Variants in SGCD observed in about 807,000 individuals in gnomAD.
SGCD encodes the protein delta-sarcoglycan.
A neutral mutation model predicts 36.6 loss-of-function variants in SGCD; 18 were observed. The ratio of observed to expected loss-of-function variants is 0.49; its 90% CI spans 0.34 to 0.73. The LOEUF (loss-of-function observed/expected upper bound fraction) is 0.73, where lower values mean the gene tolerates loss of function less well. SGCD is among the 30% of genes least tolerant of loss of function. SGCD has a pLI of 0.01. For missense variants in SGCD, 387 were observed against 346.7 expected (o/e 1.12, Z -0.92); for synonymous variants, 133 against 130.6 (o/e 1.02, Z -0.12).
chr5:156,229,297 T>TACAC (rs757678815), intron 3 of SGCD, among the ~76,000 whole-genome samples: 2 of 119,880 alleles, frequency 1.7e-5, no homozygotes, highest in Non-Finnish European at 1.7e-5. Context: ...TATATATATA[T>TACAC]ATAAAATTAG....
the SGCD span, among the ~76,000 whole-genome samples, chr5:155,773,368 C>T: frequency 1.6e-4 from 25 of 152,190 alleles, no homozygotes; most frequent in East Asian, 7.7e-4. Context: ...TTCATAAAGA[C>T]GGGGTCTCAC....
intron 3 of SGCD, among the ~76,000 whole-genome samples, chr5:156,319,938 AG>A (rs1021191826): frequency 2.4e-4 from 37 of 152,360 alleles, no homozygotes; most frequent in African/African-American, 8.4e-4. Context: ...GTTCATTATT[AG>A]TGAAATAATA....
At chr5:156,734,516 C>T (rs779820428) in intron 7 of SGCD, among the ~76,000 whole-genome samples, 4 of 152,146 alleles carry the variant, frequency 2.6e-5, no homozygotes, top group Non-Finnish European at 5.9e-5. Context: ...TCAGGTACAA[C>T]AATCAGTCGT....
intron 6 of SGCD, among the ~76,000 whole-genome samples, chr5:156,625,198 T>C (rs1456802438): frequency 6.6e-6 from 1 of 152,206 alleles, no homozygotes; most frequent in Non-Finnish European, 1.5e-5. Context: ...TTTTAGGACA[T>C]TGGCAGTGTT....
At chr5:155,824,895 C>G in the SGCD span, among the ~76,000 whole-genome samples, 26 of 152,268 alleles carry the variant, frequency 1.7e-4, no homozygotes, top group Admixed American at 1.2e-3. Context: ...AATTAGAGGA[C>G]AATGACTTCT....
intron 3 of SGCD, among the ~76,000 whole-genome samples, chr5:156,474,952 G>C (rs1291534771): frequency 1.3e-5 from 2 of 152,066 alleles, no homozygotes; most frequent in African/African-American, 2.4e-5. Context: ...AATTCCATAG[G>C]GTTGTTGTAA....
At chr5:155,747,028 G>A in the SGCD span, among the ~76,000 whole-genome samples, 1 of 152,174 alleles carries the variant, frequency 6.6e-6, no homozygotes. Flanking sequence ...AGATTTTCCA[G>A]AGCTTCCTCC....
the SGCD span, among the ~76,000 whole-genome samples, chr5:155,798,893 T>C: frequency 6.6e-6 from 1 of 152,230 alleles, no homozygotes; most frequent in Non-Finnish European, 1.5e-5. Context: ...CAGATGCGTA[T>C]GAAGTGATTT....
intron 1 of SGCD, among the ~76,000 whole-genome samples, chr5:156,073,464 G>T (rs1221986216): frequency 6.6e-6 from 1 of 152,168 alleles, no homozygotes; most frequent in Non-Finnish European, 1.5e-5. Context: ...CTGGAAGACT[G>T]AGATAGGAAG....
At chr5:156,493,013 G>A (rs540987837) in intron 3 of SGCD, among the ~76,000 whole-genome samples, 9 of 152,168 alleles carry the variant, frequency 5.9e-5, no homozygotes, top group Admixed American at 2.0e-4. Flanking sequence ...GAACAGTGCC[G>A]CAATAAATAT....
chr5:156,442,151 C>CA (rs999420488), intron 3 of SGCD, among the ~76,000 whole-genome samples: 9 of 152,220 alleles, frequency 5.9e-5, no homozygotes, highest in African/African-American at 1.7e-4. Flanking sequence ...TTTTTCAGGG[C>CA]AGAGCAGTGA....
At chr5:156,511,816 G>A (rs1756941261) in intron 4 of SGCD, among the ~76,000 whole-genome samples, 2 of 152,222 alleles carry the variant, frequency 1.3e-5, no homozygotes, top group Admixed American at 6.5e-5. Flanking sequence ...TACATGATCA[G>A]TAGATGTTTG....
chr5:156,264,614 T>C (rs1234195319), intron 3 of SGCD, among the ~76,000 whole-genome samples: 2 of 152,102 alleles, frequency 1.3e-5, no homozygotes, highest in Non-Finnish European at 2.9e-5. Flanking sequence ...ATAATACCCA[T>C]GTAAGAGTTG....
At chr5:155,995,008 C>A (rs1330757022) in intron 1 of SGCD, among the ~76,000 whole-genome samples, 1 of 152,164 alleles carries the variant, frequency 6.6e-6, no homozygotes, top group African/African-American at 2.4e-5. Context: ...GTGTACCCAA[C>A]CTTTATCCTC....
chr5:155,744,861 A>T, the SGCD span, among the ~76,000 whole-genome samples: 1 of 152,250 alleles, frequency 6.6e-6, no homozygotes, highest in Non-Finnish European at 1.5e-5. Flanking sequence ...AAACCGATGA[A>T]TGATGTTAAT....
intron 3 of SGCD, among the ~76,000 whole-genome samples, chr5:156,442,944 T>C (rs761820012): frequency 2.6e-5 from 4 of 151,996 alleles, no homozygotes; most frequent in Non-Finnish European, 4.4e-5. Context: ...AAAGAGGGAG[T>C]GGACCTACTT....
At chr5:156,074,236 G>T (rs543748716) in intron 1 of SGCD, among the ~76,000 whole-genome samples, 4 of 152,272 alleles carry the variant, frequency 2.6e-5, no homozygotes, top group Admixed American at 6.5e-5. Context: ...ATGCACAGAA[G>T]GTTCTGTGGT....
intron 3 of SGCD, among the ~76,000 whole-genome samples, chr5:156,240,703 A>C (rs954703357): frequency 3.3e-5 from 5 of 152,238 alleles, no homozygotes; most frequent in Non-Finnish European, 7.3e-5. Context: ...TAATAAAAAA[A>C]AATGGGCCAT....
chr5:156,056,659 A>AAAAAAAAAAAAAAAAACAAAAAAC (rs1330447322), intron 1 of SGCD, among the ~76,000 whole-genome samples: 1 of 141,890 alleles, frequency 7.0e-6, no homozygotes, highest in African/African-American at 2.6e-5. Context: ...AAAAAAAAAA[A>AAAAAAAAAAAAAAAAACAAAAAAC]AAAAAACAGT....
Sources: allele counts gnomAD v4.1 joint callset (sites outside exome capture counted in the v4.1 genomes callset), GRCh38; gene constraint gnomAD v4.1.1; transcripts MANE v1.5; gene names NCBI Gene and HGNC (gene_info 2026-07-23, HGNC 2026-07-21).